Variants in GSG1L observed in about 807,000 individuals in gnomAD.
GSG1L encodes the protein GSG1 like.
GSG1L carries 24 observed loss-of-function variants against 42.1 expected under a neutral mutation model. That is an observed-to-expected ratio of 0.57 (90% confidence interval 0.41 to 0.80). GSG1L has a LOEUF of 0.80. GSG1L is among the 30% of genes least tolerant of loss of function. The pLI, the probability that GSG1L is intolerant of heterozygous loss-of-function variation, is 0.00. For synonymous variants in GSG1L, 215 were observed against 203.5 expected, an observed-to-expected ratio of 1.06 and a Z score of -0.48; for missense variants, 445 against 472.2, an observed-to-expected ratio of 0.94 and a Z score of 0.53.
At chr16:27,892,968 G>A (rs2084146375) in intron 2 of GSG1L, among the ~76,000 whole-genome samples, 1 of 152,170 alleles carries the variant, frequency 6.6e-6, no homozygotes, top group Non-Finnish European at 1.5e-5. Context: ...GCTGTGGAAT[G>A]CAAGCTCGCG....
intron 1 of GSG1L, among the ~76,000 whole-genome samples, chr16:27,999,842 A>G (rs980240766): frequency 2.6e-5 from 4 of 152,180 alleles, no homozygotes; most frequent in Non-Finnish European, 5.9e-5. Context: ...AGGGAGAGAA[A>G]GTAGAGGGAG....
intron 1 of GSG1L, among the ~76,000 whole-genome samples, chr16:27,966,261 A>G (rs2085132173): frequency 6.6e-6 from 1 of 152,096 alleles, no homozygotes; most frequent in Admixed American, 6.5e-5. Context: ...AACAGCTACA[A>G]CAGAACCTGG....
chr16:27,979,642 G>GGAAAGAAAGAAAGAAAGAAAGAAAGAAA lies in GSG1L; in HGVS notation c.350-16440_350-16439insTTTCTTTCTTTCTTTCTTTCTTTCTTTC, dbSNP rs200521273. On this transcript the variant is annotated intron_variant, in intron 1 of 6. Transcript: ENST00000447459. The stretch of plus-strand genomic sequence containing the variant: ...GAAAGGGAGATGGGCAGGAGGGAGG[G>GGAAAGAAAGAAAGAAAGAAAGAAAGAAA]GAAAGAAAGAAAGAAAGAAAGAGAG... 1.8e-3 allele frequency among the ~76,000 whole-genome samples: 101 copies of GGAAAGAAAGAAAGAAAGAAAGAAAGAAA among 55,910 alleles called. 6 individuals carry two copies. The highest frequency in any genetic ancestry group is 2.4e-3 in the Non-Finnish European group (72 of 30,266). The allele number at this position is 55,910 out of a possible 152,430, so 36.7% of individuals were successfully genotyped here. A position where few individuals can be genotyped will look rare whatever the true frequency, so the allele number is the denominator to read the frequency against.
chr16:27,899,673 T>C (rs1449443159), intron 2 of GSG1L, among the ~76,000 whole-genome samples: 1 of 152,092 alleles, frequency 6.6e-6, no homozygotes, highest in Non-Finnish European at 1.5e-5. Flanking sequence ...GCTATGATTG[T>C]ACCACTGCAC....
At chr16:27,869,106 A>G (rs867207713) in intron 3 of GSG1L, among the ~76,000 whole-genome samples, 2 of 151,936 alleles carry the variant, frequency 1.3e-5, no homozygotes, top group African/African-American at 2.4e-5. Context: ...CCGTCCTCCC[A>G]GAGCTGGGGG....
intron 2 of GSG1L, among the ~76,000 whole-genome samples, chr16:27,946,857 A>G (rs895887023): frequency 6.6e-6 from 1 of 152,190 alleles, no homozygotes; most frequent in Non-Finnish European, 1.5e-5. Flanking sequence ...AGATGGGGGA[A>G]ATCCGACAGG....
chr16:27,834,926 A>G (rs1490582489), intron 4 of GSG1L, among the ~76,000 whole-genome samples: 2 of 151,936 alleles, frequency 1.3e-5, no homozygotes, highest in African/African-American at 4.8e-5. Flanking sequence ...ATTTTTGCTC[A>G]TCTTTCTTCT....
intron 3 of GSG1L, among the ~76,000 whole-genome samples, chr16:27,867,154 C>T (rs2083738401): frequency 6.6e-6 from 1 of 152,204 alleles, no homozygotes; most frequent in African/African-American, 2.4e-5. Flanking sequence ...AGACCAAGTC[C>T]TGCCCTAAGA....
chr16:27,915,393 G>A (rs1442086217), intron 2 of GSG1L, among the ~76,000 whole-genome samples: 1 of 152,188 alleles, frequency 6.6e-6, no homozygotes, highest in East Asian at 1.9e-4. Context: ...ATGAACAGCA[G>A]AAGGCTTTGT....
In GSG1L at chr16:27,996,681, G is replaced by T. The variant is rs1190260242; in HGVS notation, c.350-33478C>A. On this transcript the variant is annotated intron_variant, in intron 1 of 6. Coordinates refer to ENST00000447459, the MANE Select transcript of GSG1L (RefSeq NM_001109763.2). ...GGTCTCTTGACATTCTCCATCAGACGCTCTATTCATTTTCCATTGCTGCTG... is the reference window on the plus strand; with the variant it reads ...GGTCTCTTGACATTCTCCATCAGACTCTCTATTCATTTTCCATTGCTGCTG... Among the ~76,000 whole-genome samples, 3 of 152,264 alleles carry T rather than the reference G, an allele frequency of 2.0e-5. No individual in the cohort carries two copies. The East Asian group carries it at 5.8e-4, about 29-fold the overall frequency.
intron 3 of GSG1L, among the ~76,000 whole-genome samples, chr16:27,871,763 A>G (rs2083824271): frequency 6.6e-6 from 1 of 152,238 alleles, no homozygotes; most frequent in East Asian, 1.9e-4. Context: ...GTGTGAAGTG[A>G]ATGGAAGAAG....
At chr16:27,946,687 A>AGAAAGAAAGAAAGAAAGAAG (rs2084876826) in intron 2 of GSG1L, among the ~76,000 whole-genome samples, 1 of 147,716 alleles carries the variant, frequency 6.8e-6, no homozygotes, top group Non-Finnish European at 1.5e-5. Flanking sequence ...AAAGAAAGAA[A>AGAAAGAAAGAAAGAAAGAAG]GAAAGAATTA....
chr16:27,954,305 A>G (rs1813729260), intron 2 of GSG1L, among the ~76,000 whole-genome samples: 1 of 152,228 alleles, frequency 6.6e-6, no homozygotes, highest in Admixed American at 6.5e-5. Flanking sequence ...TGGCAGCAAC[A>G]TTTTAAAAGC....
chr16:28,043,411 C>T (rs17516321), intron 1 of GSG1L, among the ~76,000 whole-genome samples: 33,002 of 152,044 alleles, frequency 0.22, 4,569 homozygotes, highest in Non-Finnish European at 0.3. Context: ...AGCTGGAGGA[C>T]GAACTTTCTA....
intron 2 of GSG1L, among the ~76,000 whole-genome samples, chr16:27,899,488 G>A (rs942164288): frequency 2.6e-5 from 4 of 152,162 alleles, no homozygotes; most frequent in African/African-American, 7.2e-5. Context: ...AGGCTGAGGC[G>A]GGAGGATCGC....
intron 3 of GSG1L, among the ~76,000 whole-genome samples, chr16:27,870,836 A>G (rs2083811318): frequency 6.6e-6 from 1 of 151,270 alleles, no homozygotes; most frequent in Non-Finnish European, 1.5e-5. Flanking sequence ...GAGCCCATCC[A>G]CAGTCCTCCG....
At chr16:27,944,644 G>A (rs914462475) in intron 2 of GSG1L, among the ~76,000 whole-genome samples, 2 of 150,590 alleles carry the variant, frequency 1.3e-5, no homozygotes, top group African/African-American at 2.4e-5. Context: ...AAAGGAAGAC[G>A]TGAAGTACTG....
chr16:27,919,441 G>A (rs962285561), intron 2 of GSG1L, among the ~76,000 whole-genome samples: 1 of 152,060 alleles, frequency 6.6e-6, no homozygotes, highest in East Asian at 1.9e-4. Context: ...TGCCAAGCTC[G>A]GTCTCACCTC....
At chr16:28,061,930 C>T (rs1478408544) in intron 1 of GSG1L, among the ~76,000 whole-genome samples, 4 of 152,188 alleles carry the variant, frequency 2.6e-5, no homozygotes, top group Admixed American at 6.5e-5. Context: ...TCACTGGGTT[C>T]GCTTCACAGC....
Sources: allele counts gnomAD v4.1 joint callset (sites outside exome capture counted in the v4.1 genomes callset), GRCh38; gene constraint gnomAD v4.1.1; transcripts MANE v1.5; gene names NCBI Gene and HGNC (gene_info 2026-07-23, HGNC 2026-07-21).